Variants in ST7 observed in about 807,000 individuals in gnomAD.
The protein encoded by ST7 is suppression of tumorigenicity 7, also known as suppressor of tumorigenicity 7 protein.
In ST7, 28 loss-of-function variants were observed where a neutral mutation model predicts 78.7. That is an observed-to-expected ratio of 0.36 (90% confidence interval 0.26 to 0.49). The LOEUF (loss-of-function observed/expected upper bound fraction) is 0.49. Among genes scored for constraint, ST7 ranks in the 20% least tolerant of loss-of-function variants. The pLI, the probability that ST7 is intolerant of heterozygous loss-of-function variation, is 0.99. For missense variants in ST7, 418 were observed against 696.0 expected (o/e 0.60, Z 4.49); for synonymous variants, 247 against 249.6 (o/e 0.99, Z 0.10).
At chr7:117,160,142 AG>A (rs1807011150) in intron 9 of ST7, among the ~76,000 whole-genome samples, 1 of 149,578 alleles carries the variant, frequency 6.7e-6, no homozygotes, top group African/African-American at 2.5e-5. Flanking sequence ...CTGAGGCAGG[AG>A]TATCACTTGA....
At chr7:117,114,825 C>G (rs1802728656) in intron 2 of ST7, among the ~76,000 whole-genome samples, 1 of 152,144 alleles carries the variant, frequency 6.6e-6, no homozygotes, top group African/African-American at 2.4e-5. Flanking sequence ...ACTTTTAGGT[C>G]TGCAAGATTG....
intron 1 of ST7, among the ~76,000 whole-genome samples, chr7:117,027,298 G>A (rs959766028): frequency 2.0e-5 from 3 of 151,924 alleles, no homozygotes; most frequent in African/African-American, 7.3e-5. Flanking sequence ...AAAATTAGCC[G>A]GGCATGGTGG....
At chr7:116,972,715 G>A in intron 1 of ST7, 1 of 919,370 alleles carries the variant, frequency 1.1e-6, no homozygotes, top group Non-Finnish European at 1.8e-6. Context: ...GCGCTCCTGA[G>A]CACAGTCCAG....
At chr7:117,069,010 C>CT (rs1337995337) in intron 1 of ST7, among the ~76,000 whole-genome samples, 1 of 152,238 alleles carries the variant, frequency 6.6e-6, no homozygotes, top group Non-Finnish European at 1.5e-5. Flanking sequence ...CGACCTTGCA[C>CT]TAGCACGTGA....
At chr7:117,009,518 A>G (rs981606820) in intron 1 of ST7, among the ~76,000 whole-genome samples, 1 of 152,180 alleles carries the variant, frequency 6.6e-6, no homozygotes, top group Non-Finnish European at 1.5e-5. Flanking sequence ...TCAAATGTAT[A>G]TAAAATGACC....
intron 1 of ST7, among the ~76,000 whole-genome samples, chr7:117,064,277 A>G (rs930699452): frequency 2.6e-5 from 4 of 152,196 alleles, no homozygotes; most frequent in Non-Finnish European, 5.9e-5. Flanking sequence ...TTCTTAGAAA[A>G]AATTTAATAA....
rs531860434 is a variant in ST7 at position 117,199,769 on chromosome 7, A to G, written c.1254+8833A>G. Among the ~76,000 whole-genome samples, 9 of 152,326 alleles carry G rather than the reference A, an allele frequency of 5.9e-5. No homozygotes were observed. In the South Asian group the frequency reaches 1.0e-3, roughly 18 times the overall value. Reference sequence around the variant, plus strand: ...AGAAGACAGACCGGGCCGTGCCCCTATGAGGCAGGCAGAGTTCTGCTGGGC... The same window carrying G: ...AGAAGACAGACCGGGCCGTGCCCCTGTGAGGCAGGCAGAGTTCTGCTGGGC... On this transcript the variant is annotated intron_variant, in intron 12 of 15. Transcript: ENST00000323984.
chr7:117,098,893 T>C (rs540684519), intron 1 of ST7: 7 of 1,206,506 alleles, frequency 5.8e-6, no homozygotes, highest in African/African-American at 1.6e-5. Context: ...TTAAAATATA[T>C]GTATAAAATA....
intron 1 of ST7, among the ~76,000 whole-genome samples, chr7:117,007,670 A>T (rs2115881666): frequency 6.6e-6 from 1 of 152,304 alleles, no homozygotes; most frequent in South Asian, 2.1e-4. Flanking sequence ...AGCTGGAGAG[A>T]AGTCAATGCC....
At chr7:117,100,117 C>A (rs962464639) in intron 2 of ST7, among the ~76,000 whole-genome samples, 2 of 152,068 alleles carry the variant, frequency 1.3e-5, no homozygotes, top group Non-Finnish European at 2.9e-5. Context: ...AGACATAATT[C>A]TCTGTCAAAT....
chr7:116,960,386 G>A (rs577545510), intron 1 of ST7, among the ~76,000 whole-genome samples: 3 of 152,070 alleles, frequency 2.0e-5, no homozygotes, highest in South Asian at 2.1e-4. Flanking sequence ...GACAGAGTTC[G>A]CCATCTTGTC....
At chr7:117,149,353 A>AGGTG (rs1806062141) in intron 9 of ST7, among the ~76,000 whole-genome samples, 2 of 152,194 alleles carry the variant, frequency 1.3e-5, no homozygotes, top group South Asian at 4.1e-4. Context: ...TCTTTAAATC[A>AGGTG]GGTGGGCTGT....
Position 117,123,960 on chromosome 7 carries a change from C to T in ST7, c.394+4240C>T, listed in dbSNP as rs62469365. ...TGGATAGTCACTTGGCTTCCTGTCA[C>T]GAATCATCTCCTTTTAATCTTCATA... On this transcript the variant is annotated intron_variant, in intron 3 of 15. Coordinates refer to ENST00000323984, the MANE Select transcript of ST7 (RefSeq NM_001369598.1). 9.9e-5 allele frequency among the ~76,000 whole-genome samples: 15 copies of T among 152,184 alleles called. No individual in the cohort carries two copies. In the East Asian group the frequency reaches 1.4e-3, roughly 14 times the overall value.
At chr7:117,224,251 T>C in intron 15 of ST7, among the ~76,000 whole-genome samples, 1 of 152,232 alleles carries the variant, frequency 6.6e-6, no homozygotes, top group East Asian at 1.9e-4. Context: ...TGCAAATTCT[T>C]AGGACAGCTC....
At chr7:117,015,092 C>A in intron 1 of ST7, 1 of 737,758 alleles carries the variant, frequency 1.4e-6, no homozygotes, top group Non-Finnish European at 1.9e-6. Context: ...ATTTTAAAAA[C>A]TACATTGATT....
In ST7 at chr7:117,221,766, T is replaced by A. The variant is rs531393324; in HGVS notation, c.1499-157T>A. ...AGCAGATGGGCCTCCAAAGGCTGGGTCAGATGTTGGCTATGGTTTGTCAGG... is the reference window on the plus strand; with the variant it reads ...AGCAGATGGGCCTCCAAAGGCTGGGACAGATGTTGGCTATGGTTTGTCAGG... On this transcript the variant is annotated intron_variant, in intron 14 of 15. Transcript: ENST00000323984. Among the ~76,000 whole-genome samples, 14 of 152,214 alleles carry A rather than the reference T, an allele frequency of 9.2e-5. No homozygotes were observed. The South Asian group carries it at 2.9e-3, about 32-fold the overall frequency.
At chr7:117,082,807 A>AGGCATGTAAT (rs1161698719) in intron 1 of ST7, among the ~76,000 whole-genome samples, 1 of 152,238 alleles carries the variant, frequency 6.6e-6, no homozygotes, top group Non-Finnish European at 1.5e-5. Flanking sequence ...AAGCAGTCAT[A>AGGCATGTAAT]GACATTACAT....
intron 1 of ST7, chr7:116,959,448 C>A: frequency 3.0e-6 from 1 of 332,222 alleles, no homozygotes; most frequent in Non-Finnish European, 5.8e-6. Context: ...TCTAGTTCTT[C>A]ATCTTCCAGT....
rs757344202 is a variant in ST7, at chr7:117,222,089, T to G, written c.1638+27T>G. ...TGAGTGTTTGCCTAGAGGGAGGCCTTGGGGAATGGATGGGGAAAGCCAAGG... is the reference window on the plus strand; with the variant it reads ...TGAGTGTTTGCCTAGAGGGAGGCCTGGGGGAATGGATGGGGAAAGCCAAGG... On this transcript the variant is annotated intron_variant, in intron 15 of 15. Transcript: ENST00000323984. 38 of 1,584,984 alleles carry G rather than the reference T, an allele frequency of 2.4e-5. 1 individual carries two copies. In the East Asian group the frequency reaches 8.7e-4, roughly 36 times the overall value.
Sources: gnomAD v4.1 joint callset for allele counts (sites outside exome capture counted in the v4.1 genomes callset) on GRCh38, gnomAD v4.1.1 for gene constraint, MANE v1.5 for transcripts, NCBI Gene and HGNC (gene_info 2026-07-23, HGNC 2026-07-21) for gene names.